Variants in FBXL17 observed in about 807,000 individuals in gnomAD.
FBXL17 encodes the protein F-box/LRR-repeat protein 17.
FBXL17 carries 22 observed loss-of-function variants against 66.2 expected under a neutral mutation model. The observed-to-expected ratio is 0.33, with a 90% confidence interval of 0.24 to 0.47. FBXL17 has a LOEUF of 0.47. Among genes scored for constraint, FBXL17 ranks in the 20% least tolerant of loss-of-function variants. The pLI is 1.00. For missense variants in FBXL17, 878 were observed against 948.2 expected (o/e 0.93, Z 0.97); for synonymous variants, 474 against 400.5 (o/e 1.18, Z -2.19).
chr5:108,255,580 C>A (rs538521434), intron 4 of FBXL17, among the ~76,000 whole-genome samples: 1 of 152,044 alleles, frequency 6.6e-6, no homozygotes, highest in African/African-American at 2.4e-5. Context: ...CATAATTAGG[C>A]TTAATCTCAG....
intron 7 of FBXL17, among the ~76,000 whole-genome samples, chr5:107,973,169 T>C (rs1193787898): frequency 1.3e-5 from 2 of 149,846 alleles, no homozygotes; most frequent in Admixed American, 1.3e-4. Context: ...TTTAATTTTC[T>C]GTAGTCCTGG....
chr5:108,254,267 A>C (rs1756481072), intron 4 of FBXL17, among the ~76,000 whole-genome samples: 1 of 152,220 alleles, frequency 6.6e-6, no homozygotes, highest in South Asian at 2.1e-4. Context: ...TTTCCCCAAA[A>C]TCACAACATA....
At chr5:108,116,920 G>T (rs1031871515) in intron 6 of FBXL17, among the ~76,000 whole-genome samples, 1 of 151,834 alleles carries the variant, frequency 6.6e-6, no homozygotes, top group African/African-American at 2.4e-5. Context: ...AAAGGGGAGA[G>T]AATACATTAA....
At chr5:108,362,117 C>T (rs1580891739) in intron 3 of FBXL17, among the ~76,000 whole-genome samples, 1 of 152,208 alleles carries the variant, frequency 6.6e-6, no homozygotes, top group Admixed American at 6.5e-5. Context: ...GAGAGGCAGG[C>T]TTTTGGAGCT....
intron 4 of FBXL17, 47 bp from the exon 5 acceptor site, chr5:108,224,275 A>C (rs757498117): frequency 8.8e-7 from 1 of 1,141,462 alleles, no homozygotes; most frequent in Non-Finnish European, 1.3e-6. Context: ...TAGTCCAGTG[A>C]ACTCAAGGAT....
At chr5:107,880,734 T>C in intron 8 of FBXL17, 1 of 1,286,342 alleles carries the variant, frequency 7.8e-7, no homozygotes, top group African/African-American at 1.5e-5. Flanking sequence ...CATGTAATCT[T>C]TTACATTTTG....
intron 4 of FBXL17, among the ~76,000 whole-genome samples, chr5:108,270,162 C>A (rs967588914): frequency 3.3e-5 from 5 of 151,948 alleles, no homozygotes; most frequent in Non-Finnish European, 7.4e-5. Context: ...GTACACATGC[C>A]AGGTATGTTG....
intron 5 of FBXL17, among the ~76,000 whole-genome samples, chr5:108,217,184 C>A (rs1428647361): frequency 6.6e-6 from 1 of 152,064 alleles, no homozygotes; most frequent in East Asian, 1.9e-4. Context: ...CCCAGCCCCA[C>A]AGTGGATACT....
chr5:108,143,470 A>C (rs549051812), intron 6 of FBXL17, among the ~76,000 whole-genome samples: 42 of 152,098 alleles, frequency 2.8e-4, no homozygotes, highest in African/African-American at 7.7e-4. Flanking sequence ...TCATGACCAG[A>C]TTTTCTACAA....
chr5:108,130,759 C>G (rs1750901767), intron 6 of FBXL17, among the ~76,000 whole-genome samples: 1 of 151,920 alleles, frequency 6.6e-6, no homozygotes, highest in Non-Finnish European at 1.5e-5. Context: ...TTTATGGGCT[C>G]AAAGATGGCA....
chr5:107,868,706 G>A (rs1343019713), intron 8 of FBXL17, among the ~76,000 whole-genome samples: 1 of 152,218 alleles, frequency 6.6e-6, no homozygotes, highest in Non-Finnish European at 1.5e-5. Context: ...CTAGGGAAGT[G>A]CAGGTTGCTG....
intron 4 of FBXL17, among the ~76,000 whole-genome samples, chr5:108,259,781 A>C (rs1019485740): frequency 1.2e-4 from 19 of 152,214 alleles, no homozygotes; most frequent in African/African-American, 4.6e-4. Context: ...ATTTTTTTCA[A>C]TAGCTGTCAA....
intron 7 of FBXL17, among the ~76,000 whole-genome samples, chr5:107,967,229 G>A (rs1167942260): frequency 6.6e-6 from 1 of 151,706 alleles, no homozygotes; most frequent in African/African-American, 2.4e-5. Flanking sequence ...TGATGTTTCT[G>A]TAAATATTAT....
chr5:108,169,032 C>T (rs1032560649), intron 6 of FBXL17, among the ~76,000 whole-genome samples: 2 of 152,140 alleles, frequency 1.3e-5, no homozygotes, highest in African/African-American at 2.4e-5. Context: ...CAATGGAAGA[C>T]GGCCATCAAG....
intron 6 of FBXL17, among the ~76,000 whole-genome samples, chr5:108,150,688 G>A (rs1751736928): frequency 6.6e-6 from 1 of 152,166 alleles, no homozygotes; most frequent in Non-Finnish European, 1.5e-5. Context: ...GCTTCCTTGT[G>A]ATTAAATTCA....
chr5:107,862,356 G>C (rs1207841150), intron 8 of FBXL17, among the ~76,000 whole-genome samples: 1 of 151,832 alleles, frequency 6.6e-6, no homozygotes, highest in African/African-American at 2.4e-5. Flanking sequence ...AAGTTCCTTT[G>C]TGAAAAGGGC....
Position 107,893,976 on chromosome 5 carries a change from C to T in FBXL17, c.1823-12797G>A, listed in dbSNP as rs888302851. Among the ~76,000 whole-genome samples, 2 of 152,110 alleles carry T rather than the reference C, an allele frequency of 1.3e-5. 1 individual carries two copies. The highest frequency in any genetic ancestry group is 2.9e-5 in the Non-Finnish European group (2 of 68,008). On this transcript the variant is annotated intron_variant, in intron 7 of 8. Coordinates refer to ENST00000542267, the MANE Select transcript of FBXL17 (RefSeq NM_001163315.3). ...AGGAAGGAAGGGAATTTGGACATAA[C>T]ATTAACAGTTGTTAATACCAAGCAA... is the stretch of plus-strand genomic sequence containing the variant.
intron 6 of FBXL17, among the ~76,000 whole-genome samples, chr5:108,095,120 C>T (rs752065248): frequency 3.9e-5 from 6 of 151,936 alleles, no homozygotes; most frequent in Admixed American, 6.5e-5. Context: ...AAAATCATAA[C>T]GTAATATATT....
At chr5:108,219,038 C>T (rs1014523774) in intron 5 of FBXL17, among the ~76,000 whole-genome samples, 3 of 152,148 alleles carry the variant, frequency 2.0e-5, no homozygotes, top group Non-Finnish European at 2.9e-5. Context: ...TACTGTTAGA[C>T]ATGATTTTCC....
Sources: gnomAD v4.1 joint callset for allele counts (sites outside exome capture counted in the v4.1 genomes callset) on GRCh38, gnomAD v4.1.1 for gene constraint, MANE v1.5 for transcripts, NCBI Gene and HGNC (gene_info 2026-07-23, HGNC 2026-07-21) for gene names.